VSX1: variants seen among roughly 807,000 people sequenced by gnomAD.
VSX1 encodes the protein homeodomain protein RINX.
In VSX1, 23 loss-of-function variants were observed where a neutral mutation model predicts 23.6. The ratio of observed to expected loss-of-function variants is 0.97; its 90% CI spans 0.70 to 1.38. The LOEUF (loss-of-function observed/expected upper bound fraction) is 1.38. Among genes scored for constraint, VSX1 ranks in the 40% most tolerant of loss-of-function variants. The pLI, the probability that VSX1 is intolerant of heterozygous loss-of-function variation, is 0.00. For missense variants in VSX1, 517 were observed against 495.4 expected, an observed-to-expected ratio of 1.04 and a Z score of -0.41; for synonymous variants, 247 against 215.1, an observed-to-expected ratio of 1.15 and a Z score of -1.30.
chr20:25,076,682 C>T, intron 4 of VSX1, 132 bp from the exon 5 acceptor site: 3 of 1,064,052 alleles, frequency 2.8e-6, no homozygotes, highest in Non-Finnish European at 4.0e-6. Flanking sequence ...CTGGGGCCTA[C>T]AGGAGAGGCA....
rs759605846 is a variant in VSX1 at position 25,082,118 on chromosome 20, C to T, written c.-22G>A. ...TCATGGTTCCTTAGCAAGCAAGGCG[C>T]GAGCCTCTCTGGATCCCGTTTGCGG... On this transcript the variant is annotated 5_prime_UTR_variant, in exon 1 of 5. Coordinates refer to ENST00000376709, the MANE Select transcript of VSX1 (RefSeq NM_014588.6). The T allele has an allele frequency of 6.5e-7, 1 of 1,534,764 alleles. No homozygotes were observed. Among genetic ancestry groups the T allele is most frequent in the South Asian group, 1.2e-5 (1 of 84,038 alleles).
rs1237520716 is a variant in VSX1, at chr20:25,075,957, C to T, written c.*304G>A. On this transcript the variant is annotated 3_prime_UTR_variant, in exon 5 of 5. Transcript: ENST00000376709. ...TTGAACCACACATCTCAAATGATGC[C>T]CAGCAGTGAAATCATTTTTGAACTT... 1.1e-5 allele frequency: 5 copies of T among 447,358 alleles called. 1 individual carries two copies. The Admixed American group carries it at 1.4e-4, about 13-fold the overall frequency. The allele number at this position is 447,358 out of a possible 1,614,324, so 27.7% of individuals were successfully genotyped here. A position where few individuals can be genotyped will look rare whatever the true frequency, so the allele number is the denominator to read the frequency against.
rs1188048886 is a variant in VSX1, at chr20:25,076,343, A to G, written c.1016T>C (p.Val339Ala). ...SSSARQETKK[V>A]HPGAGAQGGS... ...TCCTTGAGCACCAGCCCCAGGGTGC[A>G]CTTTCTTGGTCTCCTGCCGGGCAGA... The change falls in exon 5 of 5, where the codon GTG (valine) becomes GCG (alanine). Residue 339 changes from valine to alanine, a missense_variant. Coordinates refer to ENST00000376709, the MANE Select transcript of VSX1 (RefSeq NM_014588.6). 2 of 1,614,138 alleles carry G rather than the reference A, an allele frequency of 1.2e-6. No individual in the cohort carries two copies. The highest frequency in any genetic ancestry group is 3.3e-5 in the Admixed American group (2 of 60,010).
At chr20:25,071,483 C>CT (rs11087497), downstream of VSX1, 153,551 of 381,282 alleles carry the variant, frequency 0.4, 12,501 homozygotes, top group African/African-American at 0.47. Flanking sequence ...CACTCAGGGT[C>CT]TTTTTTTTTT....
chr20:25,081,581 G>T (rs920150482), intron 1 of VSX1, 92 bp downstream of exon 1: 15 of 1,544,618 alleles, frequency 9.7e-6, no homozygotes, highest in East Asian at 4.6e-5. Context: ...GGCCGCTGGG[G>T]CCAGGGGTGC....
At chr20:25,071,585 G>A, downstream of VSX1, 1 of 483,776 alleles carries the variant, frequency 2.1e-6, no homozygotes, top group South Asian at 1.5e-5. Flanking sequence ...ATCTTGAGTA[G>A]AAGCAGTTCC....
chr20:25,074,284 G>A (rs867160634), downstream of VSX1, among the ~76,000 whole-genome samples: 4 of 152,254 alleles, frequency 2.6e-5, no homozygotes, highest in Middle Eastern at 3.4e-3. Context: ...AGGTCACATG[G>A]CTAGAGTTGG....
At chr20:25,073,683 G>C (rs1282340423), downstream of VSX1, among the ~76,000 whole-genome samples, 1 of 152,212 alleles carries the variant, frequency 6.6e-6, no homozygotes. Context: ...TCTGCTAGCA[G>C]GTGGGGGTTT....
chr20:25,076,996 G>A (rs545809563), intron 4 of VSX1, among the ~76,000 whole-genome samples: 10 of 152,230 alleles, frequency 6.6e-5, no homozygotes, highest in Admixed American at 5.9e-4. Context: ...AAAACTGTTC[G>A]CTGAGCAAAA....
At chr20:25,078,532 A>T in intron 3 of VSX1, 2 of 1,341,004 alleles carry the variant, frequency 1.5e-6, no homozygotes, top group Non-Finnish European at 9.5e-7. Context: ...AGGGTTTGAG[A>T]TGGAGAGGTA....
chr20:25,072,684 T>C, downstream of VSX1: 1 of 471,152 alleles, frequency 2.1e-6, no homozygotes, highest in Non-Finnish European at 4.4e-6. Flanking sequence ...CATGATTCAT[T>C]GACCACAGAA....
In VSX1 at chr20:25,081,917, G is replaced by T. The variant is rs752435003; in HGVS notation, c.180C>A (p.Val60=). Residue 60 remains valine, a synonymous_variant, in exon 1 of 5, where the codon GTC becomes GTA. Coordinates refer to ENST00000376709, the MANE Select transcript of VSX1 (RefSeq NM_014588.6). ...CAAGCCCCGGGCCCGGGCACGGCGC[G>T]ACTGCCGGACCCTCGCAGCCAGATC... is the stretch of plus-strand genomic sequence containing the variant. ...GQGSGCEGPA[V]APCPGPGLDG... 2.9e-5 allele frequency: 44 copies of T among 1,529,476 alleles called. 1 individual carries two copies. In the South Asian group the frequency reaches 4.1e-4, roughly 14 times the overall value. 94.7% of individuals were successfully genotyped at this position (1,529,476 alleles called of 1,614,324 possible). A position where few individuals can be genotyped will look rare whatever the true frequency, so the allele number is the denominator to read the frequency against.
intron 1 of VSX1, among the ~76,000 whole-genome samples, chr20:25,080,037 C>A (rs144759569): frequency 4.5e-4 from 68 of 152,264 alleles, no homozygotes; most frequent in African/African-American, 1.5e-3. Flanking sequence ...CCCTGATGCA[C>A]CAAATCAGAA....
Position 25,079,476 on chromosome 20 carries a change from C to A in VSX1, c.463G>T (p.Ala155Ser), listed in dbSNP as rs1312793381. ...SQSEDRNDLK[A>S]SPTLGKRKKR... ...TTCCTCTTGCCCAAGGTGGGGGATG[C>A]CTTTAGGTCATTCCTGTCTTCAGAC... Residue 155 changes from alanine (A) to serine (S), a missense_variant, in exon 2 of 5, where the codon GCA (alanine) becomes TCA (serine). Physicochemically the swap from Ala to Ser is moderately conservative, Grantham distance 99. Coordinates refer to ENST00000376709, the MANE Select transcript of VSX1 (RefSeq NM_014588.6). 13 of 1,612,882 alleles carry A rather than the reference C, an allele frequency of 8.1e-6. No individual in the cohort carries two copies. The highest frequency in any genetic ancestry group is 2.2e-5 in the South Asian group (2 of 90,710).
chr20:25,071,973 C>T (rs1201410932), downstream of VSX1: 4 of 632,546 alleles, frequency 6.3e-6, no homozygotes, highest in Non-Finnish European at 1.2e-5. Context: ...CTGTGTGTCT[C>T]CTGCAAAGTC....
chr20:25,081,900 G>T lies in VSX1; in HGVS notation c.197C>A (p.Pro66Gln). The T allele has an allele frequency of 6.5e-7, 1 of 1,528,620 alleles. No individual in the cohort carries two copies. The highest frequency in any genetic ancestry group is 2.0e-5 in the Admixed American group (1 of 50,622). The allele number at this position is 1,528,620 out of a possible 1,614,324, so 94.7% of individuals were successfully genotyped here. A position where few individuals can be genotyped will look rare whatever the true frequency, so the allele number is the denominator to read the frequency against. ...EGPAVAPCPG[P>Q]GLDGSSLARG... ...CGCCAGGCTGGAGCCGTCAAGCCCC[G>T]GGCCCGGGCACGGCGCGACTGCCGG... The change falls in exon 1 of 5, where the codon CCG becomes CAG. Residue 66 changes from proline (P) to glutamine (Q), a missense_variant. By Grantham distance (76) the Pro-to-Gln change is moderately conservative. Transcript: ENST00000376709.
At chr20:25,078,547 C>CTTT (rs5841049) in intron 3 of VSX1, 50 of 1,151,066 alleles carry the variant, frequency 4.3e-5, no homozygotes, top group South Asian at 2.0e-4. Flanking sequence ...GAGGTAGTCT[C>CTTT]TTTTTTTTTT....
rs1173114391 is a variant in VSX1 at position 25,075,803 on chromosome 20, TA to T, written c.*457del. 1 of 163,196 alleles carries T rather than the reference TA, an allele frequency of 6.1e-6. No homozygotes were observed. The highest frequency in any genetic ancestry group is 1.7e-4 in the East Asian group (1 of 5,742). 10.1% of individuals were successfully genotyped at this position (163,196 alleles called of 1,614,324 possible). A position where few individuals can be genotyped will look rare whatever the true frequency, so the allele number is the denominator to read the frequency against. On this transcript the variant is annotated 3_prime_UTR_variant, in exon 5 of 5. Coordinates refer to ENST00000376709, the MANE Select transcript of VSX1 (RefSeq NM_014588.6). ...GGCCAAGTTCAAGGTAAAGACAATA[TA>T]ATTCATTCATGTGTCTGTATGGAGT...
Position 25,076,157 on chromosome 20 carries a change from G to A in VSX1, c.*104C>T, listed in dbSNP as rs148709299. ...GCATTTTATCTTGACATTGTCAGAA[G>A]AAAATCAAACTGAGAGTATATGTCT... On this transcript the variant is annotated 3_prime_UTR_variant, in exon 5 of 5. Coordinates refer to ENST00000376709, the MANE Select transcript of VSX1 (RefSeq NM_014588.6). 8.1e-4 allele frequency: 1,233 copies of A among 1,521,944 alleles called. 16 individuals are homozygous for A. In the African/African-American group the frequency reaches 0.015, roughly 18 times the overall value. 94.3% of individuals were successfully genotyped at this position (1,521,944 alleles called of 1,614,324 possible). A position where few individuals can be genotyped will look rare whatever the true frequency, so the allele number is the denominator to read the frequency against.
Sources: gnomAD v4.1 joint callset for allele counts (sites outside exome capture counted in the v4.1 genomes callset) on GRCh38, gnomAD v4.1.1 for gene constraint, MANE v1.5 for transcripts, NCBI Gene and HGNC (gene_info 2026-07-23, HGNC 2026-07-21) for gene names.